The following SLC35D4 variants were observed in gnomAD, a reference collection of about 807,000 sequenced individuals.
The protein encoded by SLC35D4 is solute carrier family 35 member D4, also known as UDP-N-acetylglucosamine transporter SLC35D4.
the SLC35D4 span, among the ~76,000 whole-genome samples, chr18:23,387,600 T>C: frequency 2.0e-5 from 3 of 152,222 alleles, no homozygotes; most frequent in Non-Finnish European, 4.4e-5. Context: ...TTATTCTTTA[T>C]CTTTACGGAG....
chr18:23,374,635 A>G, the SLC35D4 span, among the ~76,000 whole-genome samples: 1 of 151,768 alleles, frequency 6.6e-6, no homozygotes, highest in African/African-American at 2.4e-5. Context: ...ACAGGCATGC[A>G]CCACCTCACC....
At chr18:23,253,933 T>C in the SLC35D4 span, 1 of 1,613,950 alleles carries the variant, frequency 6.2e-7, no homozygotes, top group East Asian at 2.2e-5. Flanking sequence ...AGCATTTAAT[T>C]GACGTAAGTA....
chr18:23,346,873 A>G, the SLC35D4 span, among the ~76,000 whole-genome samples: 1 of 152,224 alleles, frequency 6.6e-6, no homozygotes, highest in African/African-American at 2.4e-5. Flanking sequence ...GATAAATCTC[A>G]CTTGATTATG....
the SLC35D4 span, chr18:23,430,619 G>A: frequency 6.2e-7 from 1 of 1,602,812 alleles, no homozygotes; most frequent in Non-Finnish European, 8.5e-7. Context: ...AAAGAGCAAA[G>A]AAGATACTCA....
At chr18:23,386,313 A>T in the SLC35D4 span, among the ~76,000 whole-genome samples, 18 of 152,002 alleles carry the variant, frequency 1.2e-4, 1 homozygote, top group South Asian at 3.7e-3. Flanking sequence ...AGTCACACAT[A>T]TCCTTATAAG....
chr18:23,253,984 G>A, the SLC35D4 span: 38 of 1,530,202 alleles, frequency 2.5e-5, no homozygotes, highest in Middle Eastern at 1.7e-4. Context: ...GCTCCGGTCC[G>A]GGGTTCCTCT....
At chr18:23,400,346 G>A in the SLC35D4 span, among the ~76,000 whole-genome samples, 26 of 152,238 alleles carry the variant, frequency 1.7e-4, no homozygotes, top group Admixed American at 2.6e-4. Context: ...TTTATTGGCC[G>A]GGCATGGTGG....
At chr18:23,308,467 C>A in the SLC35D4 span, among the ~76,000 whole-genome samples, 2 of 152,106 alleles carry the variant, frequency 1.3e-5, no homozygotes, top group East Asian at 3.9e-4. Context: ...GTAAAGGCAA[C>A]CTCATTCTTT....
the SLC35D4 span, chr18:23,421,328 G>A: frequency 6.6e-7 from 1 of 1,518,742 alleles, no homozygotes; most frequent in Non-Finnish European, 9.1e-7. Context: ...AGCAAGCAGA[G>A]TGTGAATCAT....
the SLC35D4 span, among the ~76,000 whole-genome samples, chr18:23,322,609 T>G: frequency 1.3e-5 from 2 of 152,272 alleles, no homozygotes; most frequent in Non-Finnish European, 2.9e-5. Context: ...TCACAGAAAC[T>G]TTGGAGGACT....
the SLC35D4 span, among the ~76,000 whole-genome samples, chr18:23,413,340 G>T: frequency 1.3e-5 from 2 of 152,134 alleles, no homozygotes; most frequent in African/African-American, 4.8e-5. Flanking sequence ...GTAAGGTTCT[G>T]ACAATCCCTA....
the SLC35D4 span, among the ~76,000 whole-genome samples, chr18:23,388,826 A>C: frequency 2.6e-5 from 4 of 151,924 alleles, no homozygotes; most frequent in Non-Finnish European, 4.4e-5. Flanking sequence ...TTCTCCCTTC[A>C]TTCTCTCCTG....
the SLC35D4 span, among the ~76,000 whole-genome samples, chr18:23,361,822 A>C: frequency 2.0e-5 from 3 of 152,308 alleles, no homozygotes; most frequent in South Asian, 2.1e-4. Flanking sequence ...TAAGCTCCAA[A>C]CAGGTTTTCA....
the SLC35D4 span, among the ~76,000 whole-genome samples, chr18:23,291,493 A>G: frequency 1.3e-5 from 2 of 152,214 alleles, no homozygotes; most frequent in Admixed American, 6.5e-5. Context: ...CCCATGTGGC[A>G]CTGACTGAGG....
the SLC35D4 span, among the ~76,000 whole-genome samples, chr18:23,313,113 C>A: frequency 5.6e-5 from 5 of 89,856 alleles, no homozygotes; most frequent in South Asian, 1.3e-3. Flanking sequence ...TGTGACAGAG[C>A]GAGACTACAT....
chr18:23,254,474 T>TAC, the SLC35D4 span, among the ~76,000 whole-genome samples: 1 of 152,198 alleles, frequency 6.6e-6, no homozygotes, highest in Non-Finnish European at 1.5e-5. Flanking sequence ...AATTTTGAGG[T>TAC]ACAGTAAAGC....
the SLC35D4 span, among the ~76,000 whole-genome samples, chr18:23,359,381 C>T: frequency 8.1e-6 from 1 of 123,038 alleles, no homozygotes; most frequent in Admixed American, 9.1e-5. Context: ...GAGACTCCAT[C>T]TCAAAAAAAA....
At chr18:23,394,567 C>T in the SLC35D4 span, among the ~76,000 whole-genome samples, 4 of 152,052 alleles carry the variant, frequency 2.6e-5, no homozygotes, top group African/African-American at 9.7e-5. Flanking sequence ...TTGATGAAGT[C>T]CAATTACTCT....
the SLC35D4 span, among the ~76,000 whole-genome samples, chr18:23,275,210 TCTC>T: frequency 2.0e-5 from 3 of 151,932 alleles, no homozygotes; most frequent in Non-Finnish European, 4.4e-5. Flanking sequence ...TGTTCTGCCT[TCTC>T]CTCACTGTCT....
Sources: gnomAD v4.1 joint callset for allele counts (sites outside exome capture counted in the v4.1 genomes callset) on GRCh38, gnomAD v4.1.1 for gene constraint, MANE v1.5 for transcripts, NCBI Gene and HGNC (gene_info 2026-07-23, HGNC 2026-07-21) for gene names.